CYYR1: variants seen among roughly 807,000 people sequenced by gnomAD.
The protein encoded by CYYR1 is cysteine and tyrosine-rich protein 1.
CYYR1 carries 14 observed loss-of-function variants against 15.2 expected under a neutral mutation model. That is an observed-to-expected ratio of 0.92 (90% CI 0.61 to 1.44). The LOEUF (loss-of-function observed/expected upper bound fraction) is 1.44, where lower values mean the gene tolerates loss of function less well. Ranked by LOEUF, CYYR1 falls within the 40% of genes most tolerant of loss-of-function variation. The probability of loss-of-function intolerance (pLI) is 0.00; values close to 1 mark genes in which losing one functional copy is unlikely to be tolerated. For missense variants in CYYR1, 228 were observed against 209.5 expected (o/e 1.09, Z -0.54); for synonymous variants, 80 against 77.4 (o/e 1.03, Z -0.18).
intron 2 of CYYR1, among the ~76,000 whole-genome samples, chr21:26,540,389 GAAACCCT>G (rs1978463867): frequency 6.6e-6 from 1 of 152,096 alleles, no homozygotes; most frequent in Non-Finnish European, 1.5e-5. Flanking sequence ...ATCCCGAACA[GAAACCCT>G]TGGGGTGTAC....
intron 1 of CYYR1, chr21:26,568,892 A>C: frequency 6.6e-6 from 1 of 152,164 alleles, no homozygotes; most frequent in East Asian, 1.9e-4. Flanking sequence ...GAGAAATGCA[A>C]ATCAAAACAG....
chr21:26,570,099 G>A (rs546748312), intron 1 of CYYR1, among the ~76,000 whole-genome samples: 50 of 152,244 alleles, frequency 3.3e-4, no homozygotes, highest in African/African-American at 1.1e-3. Context: ...TGGGATATTT[G>A]AGAATAATTT....
At chr21:26,476,084 G>A (rs1296136983) in intron 3 of CYYR1, among the ~76,000 whole-genome samples, 1 of 152,102 alleles carries the variant, frequency 6.6e-6, no homozygotes, top group Admixed American at 6.6e-5. Context: ...ATACTAATAA[G>A]GTTTCTGTCA....
intron 2 of CYYR1, among the ~76,000 whole-genome samples, chr21:26,558,135 G>A (rs753403457): frequency 3.2e-4 from 48 of 152,164 alleles, no homozygotes; most frequent in Admixed American, 4.6e-4. Context: ...GGTTACAAGC[G>A]CAGAATTTCA....
intron 2 of CYYR1, among the ~76,000 whole-genome samples, chr21:26,534,625 T>C (rs1317195954): frequency 2.6e-5 from 4 of 152,018 alleles, no homozygotes; most frequent in Non-Finnish European, 4.4e-5. Flanking sequence ...CACTATAGAC[T>C]GCCATGACTC....
At chr21:26,542,869 T>G (rs541902809) in intron 2 of CYYR1, among the ~76,000 whole-genome samples, 1 of 152,310 alleles carries the variant, frequency 6.6e-6, no homozygotes, top group African/African-American at 2.4e-5. Context: ...AACAATTCCA[T>G]GTATTAGGGT....
At chr21:26,469,610 T>C (rs2065009574) in intron 3 of CYYR1, among the ~76,000 whole-genome samples, 1 of 152,056 alleles carries the variant, frequency 6.6e-6, no homozygotes, top group Admixed American at 6.5e-5. Context: ...ATCTCAAACA[T>C]TTGTCATTTC....
intron 2 of CYYR1, among the ~76,000 whole-genome samples, chr21:26,554,464 A>T (rs1979623123): frequency 6.6e-6 from 1 of 152,170 alleles, no homozygotes; most frequent in South Asian, 2.1e-4. Context: ...TATCTAATGT[A>T]CATGACTTTT....
intron 2 of CYYR1, among the ~76,000 whole-genome samples, chr21:26,520,001 T>C (rs925051868): frequency 7.3e-5 from 11 of 151,418 alleles, no homozygotes; most frequent in Non-Finnish European, 1.0e-4. Flanking sequence ...CAATGACGGA[T>C]TGGAAAAAGA....
At chr21:26,500,046 C>T (rs2065459364) in intron 2 of CYYR1, among the ~76,000 whole-genome samples, 1 of 152,028 alleles carries the variant, frequency 6.6e-6, no homozygotes, top group South Asian at 2.1e-4. Context: ...GATCAAGGTG[C>T]TGGCAAATTT....
At chr21:26,502,385 G>C (rs544348877) in intron 2 of CYYR1, among the ~76,000 whole-genome samples, 126 of 151,062 alleles carry the variant, frequency 8.3e-4, no homozygotes, top group African/African-American at 2.9e-3. Flanking sequence ...TCTGGGAGCG[G>C]GCAAAAATGC....
chr21:26,519,079 G>GA (rs2123552417), intron 2 of CYYR1, among the ~76,000 whole-genome samples: 1 of 152,208 alleles, frequency 6.6e-6, no homozygotes, highest in Non-Finnish European at 1.5e-5. Context: ...GAATTAATAA[G>GA]AAAATCTTAG....
intron 2 of CYYR1, among the ~76,000 whole-genome samples, chr21:26,512,664 CTA>C (rs2123520979): frequency 1.3e-5 from 2 of 152,254 alleles, no homozygotes; most frequent in African/African-American, 4.8e-5. Context: ...ATTTCAGTGT[CTA>C]TAAATAAAAT....
intron 2 of CYYR1, among the ~76,000 whole-genome samples, chr21:26,565,998 T>G (rs1250994841): frequency 6.6e-6 from 1 of 152,240 alleles, no homozygotes; most frequent in Non-Finnish European, 1.5e-5. Context: ...AACATTATTA[T>G]AGTACACAAA....
intron 2 of CYYR1, chr21:26,550,680 A>T (rs1979321793): frequency 6.6e-6 from 1 of 152,222 alleles, no homozygotes; most frequent in Non-Finnish European, 1.5e-5. Context: ...ACTCTCTTCA[A>T]GTTTGTGAAG....
At chr21:26,490,043 C>G (rs1420841396) in intron 2 of CYYR1, among the ~76,000 whole-genome samples, 1 of 152,110 alleles carries the variant, frequency 6.6e-6, no homozygotes, top group South Asian at 2.1e-4. Context: ...GTGGCTCACA[C>G]CTGTAATCCC....
chr21:26,572,800 T>C, intron 1 of CYYR1, 68 bp downstream of exon 1: 1 of 1,583,988 alleles, frequency 6.3e-7, no homozygotes, highest in South Asian at 1.1e-5. Context: ...TCAACCCACG[T>C]TAGCCCGGAC....
intron 2 of CYYR1, among the ~76,000 whole-genome samples, chr21:26,526,863 G>A (rs2065873148): frequency 6.6e-6 from 1 of 152,164 alleles, no homozygotes. Context: ...AGGTGTCAAA[G>A]GAAATAAGGA....
chr21:26,511,555 T>C (rs1292257858), intron 2 of CYYR1, among the ~76,000 whole-genome samples: 1 of 152,214 alleles, frequency 6.6e-6, no homozygotes, highest in Middle Eastern at 3.2e-3. Flanking sequence ...ACTGAATCGA[T>C]ATTCTGAAAC....
Sources: allele counts gnomAD v4.1 joint callset (sites outside exome capture counted in the v4.1 genomes callset), GRCh38; gene constraint gnomAD v4.1.1; transcripts MANE v1.5; gene names NCBI Gene and HGNC (gene_info 2026-07-23, HGNC 2026-07-21).